FAM24B: variants seen among roughly 807,000 people sequenced by gnomAD.
The protein encoded by FAM24B is family with sequence similarity 24 member B.
A neutral mutation model predicts 2.3 loss-of-function variants in FAM24B; 3 were observed. That is an observed-to-expected ratio of 1.29 (90% CI 0.59 to 3.32). FAM24B has a LOEUF of 3.32. Among genes scored for constraint, FAM24B ranks in the 30% most tolerant of loss-of-function variants. FAM24B has a pLI of 0.03. For missense variants in FAM24B, 98 were observed against 117.2 expected (o/e 0.84, Z 0.76); for synonymous variants, 36 against 46.3 (o/e 0.78, Z 0.90).
chr10:122,868,397 G>A (rs541699191), intron 1 of FAM24B, among the ~76,000 whole-genome samples: 1 of 152,248 alleles, frequency 6.6e-6, no homozygotes, highest in South Asian at 2.1e-4. Context: ...AATCTAGCAA[G>A]GCAGGCCAAC....
chr10:122,851,450 T>C (rs138987324), intron 2 of FAM24B, among the ~76,000 whole-genome samples: 1 of 152,356 alleles, frequency 6.6e-6, no homozygotes, highest in African/African-American at 2.4e-5. Context: ...TTCCAACTTC[T>C]GTGCCAATCA....
chr10:122,865,182 T>C (rs965610313), intron 1 of FAM24B, among the ~76,000 whole-genome samples: 3 of 152,202 alleles, frequency 2.0e-5, no homozygotes, highest in African/African-American at 7.2e-5. Flanking sequence ...ATTTGGATTG[T>C]CAGGTTTTGT....
intron 2 of FAM24B, chr10:122,855,195 G>C (rs1847617695): frequency 6.6e-6 from 1 of 152,156 alleles, no homozygotes; most frequent in Admixed American, 6.5e-5. Flanking sequence ...TATGCAATCG[G>C]ATTTTATGAA....
At chr10:122,862,182 C>G (rs1385598297) in intron 1 of FAM24B, among the ~76,000 whole-genome samples, 1 of 152,236 alleles carries the variant, frequency 6.6e-6, no homozygotes, top group Admixed American at 6.5e-5. Flanking sequence ...TTCCCCTTCT[C>G]AAAATGGCAT....
At chr10:122,862,986 G>T (rs912425273) in intron 1 of FAM24B, among the ~76,000 whole-genome samples, 1 of 151,970 alleles carries the variant, frequency 6.6e-6, no homozygotes, top group Non-Finnish European at 1.5e-5. Context: ...GAGGGGACAG[G>T]CTAAAGGAAA....
intron 1 of FAM24B, among the ~76,000 whole-genome samples, chr10:122,865,229 G>A (rs1423454615): frequency 6.6e-6 from 1 of 152,158 alleles, no homozygotes; most frequent in Non-Finnish European, 1.5e-5. Flanking sequence ...TACTTGTTAA[G>A]TATGATGTTA....
chr10:122,864,746 C>G (rs953817830), intron 1 of FAM24B, among the ~76,000 whole-genome samples: 1 of 152,178 alleles, frequency 6.6e-6, no homozygotes, highest in African/African-American at 2.4e-5. Flanking sequence ...CCCTGCCAGA[C>G]CCTGGCAACC....
intron 1 of FAM24B, among the ~76,000 whole-genome samples, chr10:122,868,490 C>T (rs1847838114): frequency 6.6e-6 from 1 of 151,996 alleles, no homozygotes; most frequent in South Asian, 2.1e-4. Flanking sequence ...GTCAGATTCA[C>T]CAAAGTTGAA....
chr10:122,870,075 T>G (rs1481257148), intron 1 of FAM24B, among the ~76,000 whole-genome samples: 1 of 152,076 alleles, frequency 6.6e-6, no homozygotes, highest in Non-Finnish European at 1.5e-5. Context: ...AAGAATCACA[T>G]AGACCCAATA....
Position 122,862,488 on chromosome 10 carries a change from G to A in FAM24B, c.-177-6702C>T, listed in dbSNP as rs547148110. On this transcript the variant is annotated intron_variant, in intron 1 of 3. Coordinates refer to ENST00000368898, the MANE Select transcript of FAM24B (RefSeq NM_152644.3). ...TAACAGTGATTGTCTATACGTGGTT[G>A]GGATTGTGGAATTTTATTATTTTTC... Among the ~76,000 whole-genome samples the A allele has an allele frequency of 2.6e-3, 394 of 152,146 alleles. 2 individuals carry two copies. Among genetic ancestry groups the A allele is most frequent in the African/African-American group, 9.0e-3 (373 of 41,500 alleles).
chr10:122,873,401 A>G (rs1271944204), intron 1 of FAM24B, among the ~76,000 whole-genome samples: 1 of 152,210 alleles, frequency 6.6e-6, no homozygotes, highest in Non-Finnish European at 1.5e-5. Flanking sequence ...GGTTTACTGA[A>G]TATTTTAAGC....
At chr10:122,850,185 C>A (rs1316130708) in intron 3 of FAM24B, among the ~76,000 whole-genome samples, 1 of 151,922 alleles carries the variant, frequency 6.6e-6, no homozygotes, top group Non-Finnish European at 1.5e-5. Context: ...ACTCACAGGC[C>A]AAAGCTGAGA....
chr10:122,854,452 C>T (rs1891112), intron 2 of FAM24B, among the ~76,000 whole-genome samples: 2,200 of 152,292 alleles, frequency 0.014, 31 homozygotes, highest in East Asian at 0.069. Flanking sequence ...TCTTCCACCC[C>T]CAGCCTTCCT....
intron 1 of FAM24B, among the ~76,000 whole-genome samples, chr10:122,872,465 T>C (rs1847912871): frequency 6.6e-6 from 1 of 152,248 alleles, no homozygotes; most frequent in Admixed American, 6.5e-5. Flanking sequence ...TAAATCATGC[T>C]GCTATAAAGA....
chr10:122,853,033 C>T (rs539159303), intron 2 of FAM24B, among the ~76,000 whole-genome samples: 1 of 152,272 alleles, frequency 6.6e-6, no homozygotes, highest in South Asian at 2.1e-4. Flanking sequence ...AAAAGCAAAA[C>T]TTAGGGAACT....
intron 1 of FAM24B, among the ~76,000 whole-genome samples, chr10:122,874,241 GTCTATT>G (rs1323885611): frequency 1.3e-5 from 2 of 152,162 alleles, no homozygotes; most frequent in Non-Finnish European, 2.9e-5. Flanking sequence ...TAGTGAATTT[GTCTATT>G]TCTCTTTGCA....
intron 1 of FAM24B, among the ~76,000 whole-genome samples, chr10:122,872,164 A>G (rs529943523): frequency 6.6e-6 from 1 of 152,368 alleles, no homozygotes; most frequent in East Asian, 1.9e-4. Context: ...ATATTTATGC[A>G]GCCAAAAAAC....
intron 1 of FAM24B, among the ~76,000 whole-genome samples, chr10:122,874,451 G>A (rs762496448): frequency 2.0e-5 from 3 of 152,098 alleles, no homozygotes; most frequent in Non-Finnish European, 2.9e-5. Context: ...GTTTATCACT[G>A]ACAAATTTCC....
intron 1 of FAM24B, among the ~76,000 whole-genome samples, chr10:122,875,520 T>C (rs1847963582): frequency 6.6e-6 from 1 of 152,204 alleles, no homozygotes; most frequent in Non-Finnish European, 1.5e-5. Context: ...TGGAAGAATA[T>C]ATAGAAACTG....
Sources: allele counts gnomAD v4.1 joint callset (sites outside exome capture counted in the v4.1 genomes callset), GRCh38; gene constraint gnomAD v4.1.1; transcripts MANE v1.5; gene names NCBI Gene and HGNC (gene_info 2026-07-23, HGNC 2026-07-21).